The following PCDHGA1 variants were observed in gnomAD, a reference collection of about 807,000 sequenced individuals.
PCDHGA1 encodes the protein protocadherin gamma subfamily A, 1, also known as protocadherin gamma-A1.
PCDHGA1 carries 32 observed loss-of-function variants against 58.0 expected under a neutral mutation model. That is an observed-to-expected ratio of 0.55 (90% CI 0.42 to 0.74). The LOEUF (loss-of-function observed/expected upper bound fraction) is 0.74, where lower values mean the gene tolerates loss of function less well. PCDHGA1 is among the 30% of genes least tolerant of loss of function. The probability of loss-of-function intolerance (pLI) is 0.00; values close to 1 mark genes in which losing one functional copy is unlikely to be tolerated. For synonymous variants in PCDHGA1, 498 were observed against 501.1 expected (o/e 0.99, Z 0.08); for missense variants, 1,205 against 1,182.3 (o/e 1.02, Z -0.28).
chr5:141,373,942 G>C, intron 1 of PCDHGA1: 1 of 734,326 alleles, frequency 1.4e-6, no homozygotes, highest in African/African-American at 1.8e-5. Context: ...CAGGAAAGCT[G>C]TGCAGAAATT....
intron 1 of PCDHGA1, chr5:141,423,057 T>C (rs1443300486): frequency 6.2e-7 from 1 of 1,614,060 alleles, no homozygotes; most frequent in Non-Finnish European, 8.5e-7. Flanking sequence ...ATCGCCTGCT[T>C]AAGGCCAGCG....
At chr5:141,365,296 G>T in intron 1 of PCDHGA1, 1 of 1,614,002 alleles carries the variant, frequency 6.2e-7, no homozygotes, top group Non-Finnish European at 8.5e-7. Flanking sequence ...TGGTAGCTCA[G>T]GATGGAGGCG....
chr5:141,355,780 C>G (rs766045044), intron 1 of PCDHGA1: 22 of 1,613,712 alleles, frequency 1.4e-5, no homozygotes, highest in Non-Finnish European at 1.9e-5. Context: ...GTACCCAGAG[C>G]TGGTGCTGGA....
At chr5:141,365,353 T>A (rs565922694) in intron 1 of PCDHGA1, 17 of 1,613,862 alleles carry the variant, frequency 1.1e-5, no homozygotes, top group Non-Finnish European at 1.4e-5. Flanking sequence ...AGGACGTGAA[T>A]GACAATGCCC....
intron 1 of PCDHGA1, among the ~76,000 whole-genome samples, chr5:141,381,695 T>C (rs1479367517): frequency 6.6e-6 from 1 of 152,164 alleles, no homozygotes; most frequent in Non-Finnish European, 1.5e-5. Flanking sequence ...CAAACAACGA[T>C]TTCTTTCTTT....
At chr5:141,420,223 G>A in intron 1 of PCDHGA1, 2 of 1,604,640 alleles carry the variant, frequency 1.2e-6, no homozygotes, top group Non-Finnish European at 1.7e-6. Context: ...GCATGCTACT[G>A]GCTAGCATTT....
Position 141,362,248 on chromosome 5 carries a change from C to T in PCDHGA1, c.2421+29143C>T, listed in dbSNP as rs1019484860. ...GGCCTTGATCTCAGTGCTCTTCTTC[C>T]TCGCGGTGATTCTGGCAATCTCCCT... On this transcript the variant is annotated intron_variant, in intron 1 of 3. Transcript: ENST00000517417. 6.8e-6 allele frequency: 11 copies of T among 1,613,922 alleles called. No homozygotes were observed. The Admixed American group carries it at 1.3e-4, about 20-fold the overall frequency.
At position 141,395,074 on chromosome 5, in the gene PCDHGA1, C is replaced by T. The variant is rs368699767; in HGVS notation, c.2421+61969C>T. The T allele has an allele frequency of 3.9e-5, 63 of 1,614,048 alleles. No homozygotes were observed. The African/African-American group carries it at 6.0e-4, about 15-fold the overall frequency. Reference sequence around the variant, plus strand: ...GTACAGGCTTTCCTGCAGACCTATTCCCAGGAAGTCTCCCTCACCGCCGAC... The same window carrying T: ...GTACAGGCTTTCCTGCAGACCTATTTCCAGGAAGTCTCCCTCACCGCCGAC... On this transcript the variant is annotated intron_variant, in intron 1 of 3. Transcript: ENST00000517417.
intron 1 of PCDHGA1, chr5:141,377,726 A>T (rs1774299499): frequency 6.6e-6 from 1 of 152,240 alleles, no homozygotes; most frequent in Non-Finnish European, 1.5e-5. Context: ...TTGAAAAGAT[A>T]AGAATCATTG....
Position 141,351,082 on chromosome 5 carries a change from C to T in PCDHGA1, c.2421+17977C>T, listed in dbSNP as rs774889812. On this transcript the variant is annotated intron_variant, in intron 1 of 3. Transcript: ENST00000517417. ...AGGATGAGGGCATTAATGCAGAGAT[C>T]ACCTATGCCTTCCTCAATTCCCCAA... 5 of 1,614,062 alleles carry T rather than the reference C, an allele frequency of 3.1e-6. No homozygotes were observed. In the South Asian group the frequency reaches 5.5e-5, roughly 18 times the overall value.
chr5:141,352,335 T>C (rs1758983241), intron 1 of PCDHGA1: 2 of 1,613,948 alleles, frequency 1.2e-6, no homozygotes, highest in African/African-American at 1.3e-5. Context: ...GTTGTGGCCT[T>C]GGCCTTGATC....
chr5:141,490,605 C>A lies in PCDHGA1; in HGVS notation c.2422-4202C>A. On this transcript the variant is annotated intron_variant, in intron 1 of 3. Transcript: ENST00000517417. The surrounding 1 kb of genome is among the most constrained non-coding windows in gnomAD (Gnocchi z 5.4). ...TCAATGACAATGCACCCCGCTTCAA[C>A]CAGCAGCTTTACACTGCTTACATCC... 6.2e-6 allele frequency: 10 copies of A among 1,614,198 alleles called. No individual in the cohort carries two copies. The highest frequency in any genetic ancestry group is 8.5e-6 in the Non-Finnish European group (10 of 1,180,030).
rs2099624499 is a variant in PCDHGA1, at chr5:141,486,100, C to A, written c.2422-8707C>A. The A allele has an allele frequency of 6.2e-7, 1 of 1,614,072 alleles. No homozygotes were observed. The highest frequency in any genetic ancestry group is 1.3e-5 in the African/African-American group (1 of 74,930). ...AGCTTACTCTTTTGGGGCCCCTAGA[C>A]TTTGAGAGTGAGAATTACTATGAAT... On this transcript the variant is annotated intron_variant, in intron 1 of 3. Coordinates refer to ENST00000517417, the MANE Select transcript of PCDHGA1 (RefSeq NM_018912.3). This position sits in a 1 kb window ranked among gnomAD's most constrained non-coding sequence, Gnocchi z 5.0.
In PCDHGA1 at chr5:141,489,984, T is replaced by C; in HGVS notation, c.2422-4823T>C. The C allele has an allele frequency of 1.2e-6, 2 of 1,614,212 alleles. No homozygotes were observed. Among genetic ancestry groups the C allele is most frequent in the South Asian group, 1.1e-5 (1 of 91,090 alleles). ...CAACCTTCCAATCCTCAGTTCTACG[T>C]GTGGGAATCCCAGAGAATGCACCCA... On this transcript the variant is annotated intron_variant, in intron 1 of 3. Transcript: ENST00000517417. The surrounding 1 kb of genome is among the most constrained non-coding windows in gnomAD (Gnocchi z 4.5).
intron 1 of PCDHGA1, chr5:141,400,341 C>A (rs754175136): frequency 6.2e-7 from 1 of 1,614,070 alleles, no homozygotes; most frequent in African/African-American, 1.3e-5. Flanking sequence ...TTCCCCCCAA[C>A]TACAGTCAGG....
intron 3 of PCDHGA1, among the ~76,000 whole-genome samples, chr5:141,510,468 A>G (rs1246106107): frequency 2.0e-5 from 3 of 152,152 alleles, no homozygotes; most frequent in Admixed American, 2.0e-4. Flanking sequence ...TGTGGGAGTC[A>G]GAGGCTCCCT....
chr5:141,405,106 C>T, intron 1 of PCDHGA1: 1 of 1,613,964 alleles, frequency 6.2e-7, no homozygotes, highest in South Asian at 1.1e-5. Context: ...GGCTGAGGCA[C>T]TGGCACTCCT....
Position 141,512,040 on chromosome 5 carries a change from A to G in PCDHGA1, c.*867A>G, listed in dbSNP as rs775766584. 1.3e-5 allele frequency: 2 copies of G among 152,838 alleles called. No homozygotes were observed. The highest frequency in any genetic ancestry group is 2.9e-5 in the Non-Finnish European group (2 of 68,198). 9.5% of individuals were successfully genotyped at this position (152,838 alleles called of 1,614,324 possible). A position where few individuals can be genotyped will look rare whatever the true frequency, so the allele number is the denominator to read the frequency against. ...ATCAAGGCCTTGGAGGAGGCTCTGT[A>G]TGTCCTCAGGGGACTGACAACATCC... On this transcript the variant is annotated 3_prime_UTR_variant, in exon 4 of 4. Coordinates refer to ENST00000517417, the MANE Select transcript of PCDHGA1 (RefSeq NM_018912.3).
At chr5:141,368,236 C>G (rs1444187989) in intron 1 of PCDHGA1, among the ~76,000 whole-genome samples, 1 of 152,160 alleles carries the variant, frequency 6.6e-6, no homozygotes, top group Non-Finnish European at 1.5e-5. Context: ...CTACATTACT[C>G]AACCACATGA....
Sources: allele counts gnomAD v4.1 joint callset (sites outside exome capture counted in the v4.1 genomes callset), GRCh38; gene constraint gnomAD v4.1.1; non-coding constraint Gnocchi (gnomAD v3.1); transcripts MANE v1.5; gene names NCBI Gene and HGNC (gene_info 2026-07-23, HGNC 2026-07-21).